Variants in IL6 observed in about 807,000 individuals in gnomAD.
The protein encoded by IL6 is interleukin-6.
Under a neutral mutation model 18.0 loss-of-function variants are expected in IL6, and 5 were observed. The observed-to-expected ratio is 0.28, with a 90% CI of 0.15 to 0.58. The LOEUF (loss-of-function observed/expected upper bound fraction) is 0.58, where lower values mean the gene tolerates loss of function less well. IL6 is among the 20% of genes least tolerant of loss of function. The pLI, the probability that IL6 is intolerant of heterozygous loss-of-function variation, is 0.90. For synonymous variants in IL6, 97 were observed against 95.1 expected (o/e 1.02, Z -0.12); for missense variants, 266 against 251.0 (o/e 1.06, Z -0.40).
At position 22,731,641 on chromosome 7, in the gene IL6, C is replaced by T. The variant is rs1583436187; in HGVS notation, c.*68C>T. The T allele has an allele frequency of 5.7e-6, 7 of 1,236,566 alleles. No homozygotes were observed. The East Asian group carries it at 1.5e-4, about 27-fold the overall frequency. 76.6% of individuals were successfully genotyped at this position (1,236,566 alleles called of 1,614,324 possible). ...TCTGGTCAGAAACCTGTCCACTGGG[C>T]ACAGAACTTATGTTGTTCTCTATGG... On this transcript the variant is annotated 3_prime_UTR_variant, in exon 5 of 5. Coordinates refer to ENST00000258743, the MANE Select transcript of IL6 (RefSeq NM_000600.5).
intron 2 of IL6, chr7:22,728,445 A>G: frequency 2.1e-6 from 1 of 473,158 alleles, no homozygotes; most frequent in Non-Finnish European, 3.8e-6. Context: ...CAAATTTGCA[A>G]GGAAGGTTTT....
At chr7:22,728,350 C>A (rs1784054920) in intron 2 of IL6, 1 of 235,368 alleles carries the variant, frequency 4.2e-6, no homozygotes, top group Non-Finnish European at 8.5e-6. Flanking sequence ...GAATTATATT[C>A]TCCTAATTAT....
intron 4 of IL6, chr7:22,730,466 A>G (rs1784105439): frequency 6.0e-6 from 1 of 167,440 alleles, no homozygotes; most frequent in Admixed American, 6.5e-5. Flanking sequence ...AAGGCCTTCC[A>G]CAAGTTACTT....
intron 4 of IL6, 56 bp from the exon 5 acceptor site, chr7:22,731,350 C>G: frequency 7.2e-7 from 1 of 1,387,814 alleles, no homozygotes; most frequent in Non-Finnish European, 9.8e-7. Flanking sequence ...CATCCCTCCA[C>G]TGCAAAGGAT....
Position 22,727,450 on chromosome 7 carries a change from T to C in IL6, c.26T>C (p.Phe9Ser), listed in dbSNP as rs1383764310. The change falls in exon 2 of 5, where the codon TTC becomes TCC. Residue 9 changes from phenylalanine (F) to serine (S), a missense_variant. Coordinates refer to ENST00000258743, the MANE Select transcript of IL6 (RefSeq NM_000600.5). ...TCGCTCCCCTCCGGCACAGGCGCCT[T>C]CGGTCCAGTTGCCTTCTCCCTGGGG... The part of the protein sequence containing the change: MNSFSTSA[F>S]GPVAFSLGLL... 6.2e-7 allele frequency: 1 copy of C among 1,613,994 alleles called. No homozygotes were observed. The highest frequency in any genetic ancestry group is 2.2e-5 in the East Asian group (1 of 44,876).
At chr7:22,730,035 T>C (rs1024116850) in intron 4 of IL6, 6 of 985,306 alleles carry the variant, frequency 6.1e-6, no homozygotes, top group Non-Finnish European at 7.2e-6. Context: ...TTTAAGATTT[T>C]AGTCATTGCC....
intron 2 of IL6, among the ~76,000 whole-genome samples, chr7:22,728,337 C>T (rs915613872): frequency 1.3e-5 from 2 of 152,164 alleles, no homozygotes; most frequent in African/African-American, 4.8e-5. Context: ...CATTCTATGG[C>T]TTGAATTATA....
At chr7:22,728,664 G>T in intron 2 of IL6, 29 bp from the exon 3 acceptor site, 1 of 1,259,294 alleles carries the variant, frequency 7.9e-7, no homozygotes, top group Non-Finnish European at 1.2e-6. Context: ...GGACACTTAG[G>T]TGATAACAAT....
In IL6 at chr7:22,728,795, G is replaced by C. The variant is rs1400351007; in HGVS notation, c.313G>C (p.Gly105Arg). ...MAEKDGCFQSGFNEETCLVKI... is the reference protein window; with the variant it reads ...MAEKDGCFQSRFNEETCLVKI... ...TGAAAAAGATGGATGCTTCCAATCT[G>C]GATTCAATGAGGTACCAACTTGTCG... Residue 105 changes from glycine to arginine, a missense_variant, in exon 3 of 5, where the codon GGA becomes CGA. Transcript: ENST00000258743. 1.2e-6 allele frequency: 2 copies of C among 1,603,386 alleles called. No homozygotes were observed. Among genetic ancestry groups the C allele is most frequent in the Admixed American group, 3.3e-5 (2 of 60,016 alleles).
At chr7:22,729,435 C>T (rs1562646523) in intron 3 of IL6, 79 bp from the exon 4 acceptor site, 9 of 1,381,530 alleles carry the variant, frequency 6.5e-6, no homozygotes, top group South Asian at 1.3e-5. Flanking sequence ...GAAAAGATGT[C>T]GAACTGTGGC....
At chr7:22,727,746 A>T (rs937650737) in intron 2 of IL6, 112 bp downstream of exon 2, 9 of 1,260,636 alleles carry the variant, frequency 7.1e-6, no homozygotes, top group African/African-American at 1.5e-5. Flanking sequence ...GTTCTAGAGC[A>T]CTGTAGATTT....
In IL6 at chr7:22,727,652, T is replaced by C. The variant is rs781015903; in HGVS notation, c.210+18T>C. The C allele has an allele frequency of 2.6e-6, 4 of 1,535,038 alleles. No homozygotes were observed. The highest frequency in any genetic ancestry group is 3.5e-6 in the Non-Finnish European group (4 of 1,143,828). On this transcript the variant is annotated intron_variant, in intron 2 of 4. Coordinates refer to ENST00000258743, the MANE Select transcript of IL6 (RefSeq NM_000600.5). ...GAAAGGAGGTGGGTAGGCTTGGCGA[T>C]GGGGTTGAAGGGCCCGGTGCGCATG... is the stretch of plus-strand genomic sequence containing the variant.
Position 22,727,238 on chromosome 7 carries a change from C to T in IL6, c.-25C>T. ...GCCCACCGGGAACGAAAGAGAAGCTCTATCTCCCCTCCAGGAGCCCAGCTA... is the reference window on the plus strand; with the variant it reads ...GCCCACCGGGAACGAAAGAGAAGCTTTATCTCCCCTCCAGGAGCCCAGCTA... On this transcript the variant is annotated 5_prime_UTR_variant, in exon 1 of 5. Transcript: ENST00000258743. 1 of 1,613,308 alleles carries T rather than the reference C, an allele frequency of 6.2e-7. No homozygotes were observed. Among genetic ancestry groups the T allele is most frequent in the Non-Finnish European group, 8.5e-7 (1 of 1,179,978 alleles).
At chr7:22,730,719 G>T (rs1305518225) in intron 4 of IL6, among the ~76,000 whole-genome samples, 2 of 152,298 alleles carry the variant, frequency 1.3e-5, no homozygotes, top group South Asian at 2.1e-4. Context: ...ATAAGATAGT[G>T]ATGCTGGTCA....
chr7:22,727,545 G>C lies in IL6; in HGVS notation c.121G>C (p.Ala41Pro). The C allele has an allele frequency of 6.2e-7, 1 of 1,611,540 alleles. No homozygotes were observed. Among genetic ancestry groups the C allele is most frequent in the Non-Finnish European group, 8.5e-7 (1 of 1,178,996 alleles). ...PPGEDSKDVA[A>P]PHRQPLTSSE... ...AGGAGAAGATTCCAAAGATGTAGCC[G>C]CCCCACACAGACAGCCACTCACCTC... Residue 41 changes from alanine (A) to proline (P), a missense_variant, in exon 2 of 5, where the codon GCC becomes CCC. Transcript: ENST00000258743.
chr7:22,728,181 A>G (rs1438095291), intron 2 of IL6, among the ~76,000 whole-genome samples: 1 of 152,178 alleles, frequency 6.6e-6, no homozygotes, highest in Admixed American at 6.5e-5. Context: ...AGAAAAGAAC[A>G]CAGGAGGGGA....
At chr7:22,730,106 T>C in intron 4 of IL6, 1 of 985,360 alleles carries the variant, frequency 1.0e-6, no homozygotes, top group Non-Finnish European at 1.2e-6. Context: ...ACCAGAGAGT[T>C]AGTTCAGAGA....
Position 22,729,548 on chromosome 7 carries a change from T to C in IL6, c.359T>C (p.Leu120Ser), listed in dbSNP as rs778738185. The change falls in exon 4 of 5, where the codon TTG becomes TCG. Residue 120 changes from leucine to serine, a missense_variant. Coordinates refer to ENST00000258743, the MANE Select transcript of IL6 (RefSeq NM_000600.5). ...CTGGTGAAAATCATCACTGGTCTTT[T>C]GGAGTTTGAGGTATACCTAGAGTAC... ...TCLVKIITGL[L>S]EFEVYLEYLQ... is the part of the protein sequence containing the mutation. 6.2e-7 allele frequency: 1 copy of C among 1,614,168 alleles called. No individual in the cohort carries two copies. The highest frequency in any genetic ancestry group is 1.1e-5 in the South Asian group (1 of 91,068).
Position 22,729,587 on chromosome 7 carries a change from T to C in IL6, c.398T>C (p.Phe133Ser), listed in dbSNP as rs776504834. 9.3e-6 allele frequency: 15 copies of C among 1,614,052 alleles called. No individual in the cohort carries two copies. Among genetic ancestry groups the C allele is most frequent in the African/African-American group, 1.3e-5 (1 of 74,916 alleles). ...TACCTAGAGTACCTCCAGAACAGATTTGAGAGTAGTGAGGAACAAGCCAGA... is the reference window on the plus strand; with the variant it reads ...TACCTAGAGTACCTCCAGAACAGATCTGAGAGTAGTGAGGAACAAGCCAGA... ...EVYLEYLQNR[F>S]ESSEEQARAV... Residue 133 changes from phenylalanine to serine, a missense_variant, in exon 4 of 5, where the codon TTT becomes TCT. Phe to Ser is a radical substitution (Grantham distance 155). Transcript: ENST00000258743.
Sources: gnomAD v4.1 joint callset for allele counts (sites outside exome capture counted in the v4.1 genomes callset) on GRCh38, gnomAD v4.1.1 for gene constraint, MANE v1.5 for transcripts, NCBI Gene and HGNC (gene_info 2026-07-23, HGNC 2026-07-21) for gene names.